Variants in GHR observed in about 807,000 individuals in gnomAD.
GHR encodes growth hormone receptor.
A neutral mutation model predicts 67.1 loss-of-function variants in GHR; 35 were observed. The observed-to-expected ratio is 0.52, with a 90% CI of 0.40 to 0.69. The LOEUF (loss-of-function observed/expected upper bound fraction) is 0.69, where lower values mean the gene tolerates loss of function less well. Ranked by LOEUF, GHR falls within the 30% of genes least tolerant of loss-of-function variation. GHR has a pLI of 0.00. For missense variants in GHR, 792 were observed against 764.6 expected, an observed-to-expected ratio of 1.04 and a Z score of -0.42; for synonymous variants, 272 against 269.1, an observed-to-expected ratio of 1.01 and a Z score of -0.10.
At chr5:42,572,828 A>G (rs1161122562) in intron 2 of GHR, among the ~76,000 whole-genome samples, 1 of 152,156 alleles carries the variant, frequency 6.6e-6, no homozygotes, top group African/African-American at 2.4e-5. Context: ...ATGTTTTTAT[A>G]GAAACTTTCA....
intron 1 of GHR, among the ~76,000 whole-genome samples, chr5:42,537,113 CT>C (rs1554017166): frequency 1.3e-5 from 2 of 151,904 alleles, no homozygotes; most frequent in Non-Finnish European, 2.9e-5. Flanking sequence ...AAATAACCAG[CT>C]TTTTGTTTTA....
chr5:42,446,589 A>T (rs1743815904), intron 1 of GHR, among the ~76,000 whole-genome samples: 1 of 152,236 alleles, frequency 6.6e-6, no homozygotes, highest in South Asian at 2.1e-4. Flanking sequence ...GACAACTTAC[A>T]CTATAAAGTA....
chr5:42,555,720 G>A (rs1749270646), intron 1 of GHR, among the ~76,000 whole-genome samples: 1 of 152,132 alleles, frequency 6.6e-6, no homozygotes, highest in African/African-American at 2.4e-5. Flanking sequence ...ATGTTGTAGT[G>A]AACATCTACT....
intron 3 of GHR, among the ~76,000 whole-genome samples, chr5:42,637,259 A>C (rs1754242096): frequency 6.6e-6 from 1 of 152,206 alleles, no homozygotes; most frequent in Non-Finnish European, 1.5e-5. Flanking sequence ...CCCTCTAAAA[A>C]AAAGTATGCC....
At chr5:42,490,726 A>G (rs1438103496) in intron 1 of GHR, among the ~76,000 whole-genome samples, 1 of 152,222 alleles carries the variant, frequency 6.6e-6, no homozygotes, top group African/African-American at 2.4e-5. Flanking sequence ...AATTGCACAG[A>G]TTCAAAAATA....
intron 1 of GHR, among the ~76,000 whole-genome samples, chr5:42,495,226 A>G (rs1746271555): frequency 6.6e-6 from 1 of 151,982 alleles, no homozygotes; most frequent in Admixed American, 6.6e-5. Flanking sequence ...CATTCAGGCC[A>G]CTTAGTCTAT....
intron 6 of GHR, among the ~76,000 whole-genome samples, chr5:42,707,587 A>C (rs1758238840): frequency 6.6e-6 from 1 of 152,014 alleles, no homozygotes; most frequent in African/African-American, 2.4e-5. Context: ...CTAATCCATA[A>C]GCATGGAATG....
chr5:42,534,325 C>T (rs1371725061), intron 1 of GHR, among the ~76,000 whole-genome samples: 208 of 86,488 alleles, frequency 2.4e-3, no homozygotes, highest in Non-Finnish European at 2.9e-3. Context: ...TATATATGTA[C>T]ATGTGTATAT....
At chr5:42,652,841 T>G (rs1755075504) in intron 3 of GHR, among the ~76,000 whole-genome samples, 1 of 152,102 alleles carries the variant, frequency 6.6e-6, no homozygotes. Context: ...CTGATTCAAA[T>G]CCACACATCC....
At chr5:42,550,852 C>T (rs1748992538) in intron 1 of GHR, among the ~76,000 whole-genome samples, 1 of 152,138 alleles carries the variant, frequency 6.6e-6, no homozygotes. Context: ...TTGGGACCTT[C>T]CATACCTTTC....
chr5:42,440,982 A>G (rs1321878506), intron 1 of GHR, among the ~76,000 whole-genome samples: 1 of 152,218 alleles, frequency 6.6e-6, no homozygotes, highest in Non-Finnish European at 1.5e-5. Flanking sequence ...GGCCTTTTTA[A>G]GACTTCCTCA....
intron 1 of GHR, chr5:42,467,672 C>A: frequency 6.3e-7 from 1 of 1,599,106 alleles, no homozygotes; most frequent in South Asian, 1.1e-5. Flanking sequence ...TGATGCACAT[C>A]GAGCTTTGCA....
At chr5:42,468,906 G>A (rs1021162683) in intron 1 of GHR, 24 of 626,750 alleles carry the variant, frequency 3.8e-5, no homozygotes, top group Non-Finnish European at 6.0e-5. Context: ...GGATTGCAGC[G>A]GGCTGCGCCG....
chr5:42,552,875 G>A (rs1749110052), intron 1 of GHR, among the ~76,000 whole-genome samples: 1 of 152,152 alleles, frequency 6.6e-6, no homozygotes, highest in Non-Finnish European at 1.5e-5. Context: ...TTGGTCCCAG[G>A]TAGTTGGAAG....
At chr5:42,660,705 T>TCTC (rs1422434021) in intron 3 of GHR, among the ~76,000 whole-genome samples, 2 of 152,064 alleles carry the variant, frequency 1.3e-5, no homozygotes, top group Non-Finnish European at 2.9e-5. Flanking sequence ...GCAGAGCACC[T>TCTC]CTCCTCCTCC....
rs1579754965 is a variant in GHR at position 42,468,223 on chromosome 5, G to A, written c.-12+44268G>A. On this transcript the variant is annotated intron_variant, in intron 1 of 9. Coordinates refer to ENST00000230882, the MANE Select transcript of GHR (RefSeq NM_000163.5). ...GTTCTCAGAGTGCACTTGTTGGCTGGATGCCTGATCTGGGAAGTTTTCTTC... is the reference window on the plus strand; with the variant it reads ...GTTCTCAGAGTGCACTTGTTGGCTGAATGCCTGATCTGGGAAGTTTTCTTC... 14 of 1,505,888 alleles carry A rather than the reference G, an allele frequency of 9.3e-6. No individual in the cohort carries two copies. The East Asian group carries it at 2.9e-4, about 32-fold the overall frequency. The allele number at this position is 1,505,888 out of a possible 1,614,324, so 93.3% of individuals were successfully genotyped here.
intron 2 of GHR, among the ~76,000 whole-genome samples, chr5:42,584,793 AC>A (rs1751387775): frequency 6.7e-6 from 1 of 150,314 alleles, no homozygotes; most frequent in Non-Finnish European, 1.5e-5. Context: ...GTATACACAC[AC>A]ACACACACAC....
At chr5:42,438,239 A>T (rs115784736) in intron 1 of GHR, among the ~76,000 whole-genome samples, 3,294 of 152,306 alleles carry the variant, frequency 0.022, 118 homozygotes, top group African/African-American at 0.075. Flanking sequence ...TGAAACTATG[A>T]TGTAGGGAGG....
intron 2 of GHR, among the ~76,000 whole-genome samples, chr5:42,595,403 C>A (rs989500259): frequency 3.3e-5 from 5 of 152,210 alleles, no homozygotes; most frequent in African/African-American, 1.2e-4. Flanking sequence ...TATAACTGTG[C>A]TTTCTGATCT....
Sources: allele counts gnomAD v4.1 joint callset (sites outside exome capture counted in the v4.1 genomes callset), GRCh38; gene constraint gnomAD v4.1.1; transcripts MANE v1.5; gene names NCBI Gene and HGNC (gene_info 2026-07-23, HGNC 2026-07-21).